Variants in NTM observed in about 807,000 individuals in gnomAD.
NTM encodes the protein neurotrimin.
Under a neutral mutation model 42.1 loss-of-function variants are expected in NTM, and 13 were observed. The observed-to-expected ratio is 0.31, with a 90% confidence interval of 0.20 to 0.49. NTM has a LOEUF of 0.49. Among genes scored for constraint, NTM ranks in the 20% least tolerant of loss-of-function variants. The pLI is 0.99. For missense variants in NTM, 373 were observed against 452.8 expected (o/e 0.82, Z 1.60); for synonymous variants, 187 against 179.2 (o/e 1.04, Z -0.35).
At chr11:131,918,343 G>T (rs2056724568) in intron 2 of NTM, among the ~76,000 whole-genome samples, 2 of 152,128 alleles carry the variant, frequency 1.3e-5, no homozygotes, top group South Asian at 4.1e-4. Flanking sequence ...CCTGACTGCT[G>T]GTTTAGTCCG....
At chr11:131,984,047 G>C (rs2065685557) in intron 2 of NTM, among the ~76,000 whole-genome samples, 1 of 152,190 alleles carries the variant, frequency 6.6e-6, no homozygotes, top group Admixed American at 6.5e-5. Flanking sequence ...TTAATGCCAA[G>C]AAAAAATAGA....
chr11:131,609,320 C>T (rs951825451), intron 1 of NTM, among the ~76,000 whole-genome samples: 11 of 152,178 alleles, frequency 7.2e-5, no homozygotes, highest in African/African-American at 2.7e-4. Context: ...TTACGCCTGG[C>T]TTAATGATAA....
chr11:131,780,576 C>T (rs576318642), intron 1 of NTM, among the ~76,000 whole-genome samples: 4 of 152,108 alleles, frequency 2.6e-5, no homozygotes, highest in African/African-American at 4.8e-5. Context: ...GACATGAGAG[C>T]GAATGAGTGC....
At chr11:131,735,834 A>AGG (rs3222848) in intron 1 of NTM, among the ~76,000 whole-genome samples, 14,926 of 127,412 alleles carry the variant, frequency 0.12, 879 homozygotes, top group Middle Eastern at 0.21. Context: ...TCCATTCATA[A>AGG]GGTGTGTGTG....
chr11:131,550,848 C>T (rs1246549399), intron 1 of NTM, among the ~76,000 whole-genome samples: 1 of 151,986 alleles, frequency 6.6e-6, no homozygotes, highest in Non-Finnish European at 1.5e-5. Context: ...TAAAAAAATA[C>T]CCTCAAAAAA....
chr11:131,733,439 G>T (rs1287815242), intron 1 of NTM, among the ~76,000 whole-genome samples: 1 of 149,032 alleles, frequency 6.7e-6, no homozygotes, highest in Admixed American at 6.6e-5. Context: ...ATTGTAAAAT[G>T]TCTTTTCCTT....
intron 2 of NTM, among the ~76,000 whole-genome samples, chr11:132,127,571 A>G (rs2066050565): frequency 6.6e-6 from 1 of 152,190 alleles, no homozygotes; most frequent in Non-Finnish European, 1.5e-5. Flanking sequence ...AATCTGCTGC[A>G]TGTGCTGGTC....
At chr11:132,105,811 C>T in intron 2 of NTM, among the ~76,000 whole-genome samples, 1 of 152,180 alleles carries the variant, frequency 6.6e-6, no homozygotes, top group Admixed American at 6.5e-5. Context: ...GGTCCACCTT[C>T]ACTCTAACCA....
chr11:131,964,620 C>T (rs1460705990), intron 2 of NTM, among the ~76,000 whole-genome samples: 1 of 152,138 alleles, frequency 6.6e-6, no homozygotes, highest in Non-Finnish European at 1.5e-5. Flanking sequence ...ATATGAATAG[C>T]TTCTTTGATG....
chr11:131,922,475 T>C (rs1400261169), intron 2 of NTM, among the ~76,000 whole-genome samples: 2 of 152,216 alleles, frequency 1.3e-5, no homozygotes, highest in Non-Finnish European at 2.9e-5. Flanking sequence ...CATCCTGCCC[T>C]TCCCTCAGTC....
chr11:131,752,501 G>T (rs1036398719), intron 1 of NTM, among the ~76,000 whole-genome samples: 2 of 152,158 alleles, frequency 1.3e-5, no homozygotes, highest in East Asian at 3.9e-4. Flanking sequence ...GGGATCTAGA[G>T]CTAGAAATAC....
chr11:132,217,475 T>C (rs1003998585), intron 4 of NTM, among the ~76,000 whole-genome samples: 1 of 151,428 alleles, frequency 6.6e-6, no homozygotes, highest in Non-Finnish European at 1.5e-5. Context: ...CTCTGCCTCC[T>C]GATATATGAA....
At chr11:131,586,593 C>T (rs11222705) in intron 1 of NTM, among the ~76,000 whole-genome samples, 16,121 of 152,158 alleles carry the variant, frequency 0.11, 1,095 homozygotes, top group South Asian at 0.24. Flanking sequence ...CTGACTGTAA[C>T]CTTAGGAGGA....
intron 1 of NTM, among the ~76,000 whole-genome samples, chr11:131,726,709 TC>T (rs1335530520): frequency 6.6e-6 from 1 of 151,008 alleles, no homozygotes; most frequent in Non-Finnish European, 1.5e-5. Context: ...ACCCCATTGC[TC>T]TTTTTTGTTT....
intron 1 of NTM, among the ~76,000 whole-genome samples, chr11:131,565,407 T>G (rs2056769075): frequency 6.6e-6 from 1 of 152,316 alleles, no homozygotes; most frequent in South Asian, 2.1e-4. Flanking sequence ...TTTCCAGGTC[T>G]CCTCCTGCCT....
At chr11:131,772,372 A>G (rs1383829177) in intron 1 of NTM, among the ~76,000 whole-genome samples, 5 of 152,196 alleles carry the variant, frequency 3.3e-5, no homozygotes, top group Admixed American at 3.3e-4. Flanking sequence ...CTGTGACTAG[A>G]TTCCTAATCA....
At chr11:132,316,163 A>AAATGGTTCAGCC (rs2095424167) in intron 7 of NTM, among the ~76,000 whole-genome samples, 1 of 142,600 alleles carries the variant, frequency 7.0e-6, no homozygotes, top group African/African-American at 2.7e-5. Flanking sequence ...TGGTTGCATG[A>AAATGGTTCAGCC]AATGGTTCAG....
chr11:131,882,194 G>A (rs1013187942), intron 1 of NTM, among the ~76,000 whole-genome samples: 1 of 152,184 alleles, frequency 6.6e-6, no homozygotes, highest in Non-Finnish European at 1.5e-5. Context: ...ATGTGTGTGT[G>A]TCTTTCTATC....
rs142229625 is a variant in NTM, at chr11:131,584,722, T to G, written c.82+213834T>G. 5.3e-4 allele frequency among the ~76,000 whole-genome samples: 80 copies of G among 152,332 alleles called. No homozygotes were observed. The East Asian group carries it at 0.014, about 28-fold the overall frequency. On this transcript the variant is annotated intron_variant, in intron 1 of 8. Transcript: ENST00000683400. ...TGCAATTTTGTGAGATTACAGCCTG[T>G]GTCAATCACCCTGGACGGAGCCATT...
Sources: allele counts gnomAD v4.1 joint callset (sites outside exome capture counted in the v4.1 genomes callset), GRCh38; gene constraint gnomAD v4.1.1; transcripts MANE v1.5; gene names NCBI Gene and HGNC (gene_info 2026-07-23, HGNC 2026-07-21).